OR9Q1: variants seen among roughly 807,000 people sequenced by gnomAD.
The protein encoded by OR9Q1 is olfactory receptor 9Q1.
For synonymous variants in OR9Q1, 153 were observed against 148.6 expected (o/e 1.03, Z -0.22); for missense variants, 374 against 378.8 (o/e 0.99, Z 0.11).
At chr11:58,158,060 G>A (rs1023024646) in intron 2 of OR9Q1, among the ~76,000 whole-genome samples, 7 of 152,146 alleles carry the variant, frequency 4.6e-5, no homozygotes, top group East Asian at 3.8e-4. Flanking sequence ...GAAGCTGAAC[G>A]GCTGTGAGGC....
At chr11:58,138,664 A>T (rs1487755277) in intron 2 of OR9Q1, among the ~76,000 whole-genome samples, 1 of 152,190 alleles carries the variant, frequency 6.6e-6, no homozygotes, top group Non-Finnish European at 1.5e-5. Context: ...TTAATTGACA[A>T]AACTTGTATA....
intron 2 of OR9Q1, chr11:58,073,294 C>T (rs570629819): frequency 3.0e-4 from 57 of 187,928 alleles, no homozygotes; most frequent in Non-Finnish European, 5.4e-4. Flanking sequence ...AAATATTATG[C>T]GAATTCTTAG....
chr11:58,033,342 T>A (rs1001406269), intron 1 of OR9Q1, among the ~76,000 whole-genome samples: 1 of 152,166 alleles, frequency 6.6e-6, no homozygotes, highest in African/African-American at 2.4e-5. Context: ...AACAAAGAGA[T>A]GGAATCAGTC....
intron 2 of OR9Q1, among the ~76,000 whole-genome samples, chr11:58,178,607 G>A (rs749460465): frequency 2.6e-5 from 4 of 151,976 alleles, no homozygotes; most frequent in Non-Finnish European, 5.9e-5. Flanking sequence ...GTCCTGACAC[G>A]GATATTACAA....
At chr11:58,059,669 C>A (rs1305181660) in intron 2 of OR9Q1, among the ~76,000 whole-genome samples, 1 of 105,068 alleles carries the variant, frequency 9.5e-6, no homozygotes, top group Non-Finnish European at 1.7e-5. Flanking sequence ...GCCTGGGTGA[C>A]TGAGTGAGGC....
chr11:58,027,698 C>T (rs1263417815), intron 1 of OR9Q1, among the ~76,000 whole-genome samples: 1 of 151,514 alleles, frequency 6.6e-6, no homozygotes, highest in Non-Finnish European at 1.5e-5. Flanking sequence ...TTAAAAAAAT[C>T]TCAGCCCACA....
chr11:58,143,006 T>A (rs1428805524), intron 2 of OR9Q1, among the ~76,000 whole-genome samples: 2 of 152,138 alleles, frequency 1.3e-5, no homozygotes, highest in Non-Finnish European at 2.9e-5. Flanking sequence ...CTAACAGTGT[T>A]TGTTCTTTAT....
intron 2 of OR9Q1, among the ~76,000 whole-genome samples, chr11:58,169,658 G>T (rs1377676538): frequency 1.3e-5 from 2 of 152,000 alleles, no homozygotes; most frequent in African/African-American, 2.4e-5. Context: ...AGTACATTCA[G>T]GATTTAAACT....
chr11:58,099,360 A>C (rs1250674836), intron 2 of OR9Q1, among the ~76,000 whole-genome samples: 1 of 149,904 alleles, frequency 6.7e-6, no homozygotes, highest in African/African-American at 2.4e-5. Context: ...ATTTCTGTAC[A>C]TTATACCTTA....
chr11:58,125,388 G>T (rs1342959733), intron 2 of OR9Q1: 1 of 152,056 alleles, frequency 6.6e-6, no homozygotes, highest in Non-Finnish European at 1.5e-5. Context: ...TAGTTTGTGT[G>T]GACCTTACTT....
chr11:58,066,983 T>C (rs1853435977), intron 2 of OR9Q1, among the ~76,000 whole-genome samples: 1 of 151,898 alleles, frequency 6.6e-6, no homozygotes, highest in South Asian at 2.1e-4. Context: ...GGGCACAGGC[T>C]AAGGGAGGGC....
chr11:58,155,493 T>A (rs1854399482), intron 2 of OR9Q1, among the ~76,000 whole-genome samples: 1 of 152,152 alleles, frequency 6.6e-6, no homozygotes, highest in Non-Finnish European at 1.5e-5. Flanking sequence ...AAGTGCAGGG[T>A]CAGTGCCTGA....
At chr11:58,096,229 A>G (rs2120075853) in intron 2 of OR9Q1, among the ~76,000 whole-genome samples, 1 of 151,056 alleles carries the variant, frequency 6.6e-6, no homozygotes, top group African/African-American at 2.4e-5. Flanking sequence ...TTGAGGTATA[A>G]TTTACATACA....
chr11:58,112,370 T>G (rs552848779), intron 2 of OR9Q1, among the ~76,000 whole-genome samples: 20 of 152,314 alleles, frequency 1.3e-4, no homozygotes, highest in African/African-American at 4.6e-4. Flanking sequence ...ATATGGGAAC[T>G]AAATAAACCA....
chr11:58,034,771 T>TTCCTTCCTTCCTTCCTTCCTTCCTTCC (rs1565055149), intron 1 of OR9Q1, among the ~76,000 whole-genome samples: 5 of 94,468 alleles, frequency 5.3e-5, no homozygotes, highest in African/African-American at 2.0e-4. Flanking sequence ...TCCTTCCTTC[T>TTCCTTCCTTCCTTCCTTCCTTCCTTCC]TCCTTCCCTC....
At chr11:58,117,648 G>A (rs1853970012) in intron 2 of OR9Q1, 1 of 152,178 alleles carries the variant, frequency 6.6e-6, no homozygotes, top group African/African-American at 2.4e-5. Context: ...CTATTTATCT[G>A]TTGGTGCTCT....
chr11:58,054,313 C>T (rs1853305675), intron 1 of OR9Q1, among the ~76,000 whole-genome samples: 1 of 152,240 alleles, frequency 6.6e-6, no homozygotes, highest in East Asian at 1.9e-4. Context: ...ACCTGGAACT[C>T]TTTAAGAAGA....
intron 2 of OR9Q1, among the ~76,000 whole-genome samples, chr11:58,168,688 A>G (rs1854528138): frequency 6.6e-6 from 1 of 152,162 alleles, no homozygotes; most frequent in Non-Finnish European, 1.5e-5. Flanking sequence ...ATCAAATCCA[A>G]TAAAAAATTT....
intron 2 of OR9Q1, among the ~76,000 whole-genome samples, chr11:58,105,199 A>T (rs1853828389): frequency 6.6e-6 from 1 of 152,124 alleles, no homozygotes; most frequent in Admixed American, 6.6e-5. Context: ...ATTATCTTTA[A>T]GAAATTGTGT....
Sources: gnomAD v4.1 joint callset for allele counts (sites outside exome capture counted in the v4.1 genomes callset) on GRCh38, gnomAD v4.1.1 for gene constraint, MANE v1.5 for transcripts, NCBI Gene and HGNC (gene_info 2026-07-23, HGNC 2026-07-21) for gene names.